The following LIN28B variants were observed in gnomAD, a reference collection of about 807,000 sequenced individuals.
LIN28B encodes the protein protein lin-28 homolog B.
In LIN28B, 5 loss-of-function variants were observed where a neutral mutation model predicts 21.9. The observed-to-expected ratio is 0.23, with a 90% CI of 0.12 to 0.48. LIN28B has a LOEUF of 0.48. Ranked by LOEUF, LIN28B falls within the 20% of genes least tolerant of loss-of-function variation. The probability of loss-of-function intolerance (pLI) is 0.98; values close to 1 mark genes in which losing one functional copy is unlikely to be tolerated. For missense variants in LIN28B, 245 were observed against 310.5 expected (o/e 0.79, Z 1.58); for synonymous variants, 109 against 111.3 (o/e 0.98, Z 0.13).
intron 2 of LIN28B, among the ~76,000 whole-genome samples, chr6:105,019,887 G>T (rs142955207): frequency 1.8e-3 from 281 of 152,128 alleles, no homozygotes; most frequent in African/African-American, 6.5e-3. Context: ...CTGCCATCTT[G>T]AACTGGAAGT....
intron 2 of LIN28B, among the ~76,000 whole-genome samples, chr6:104,967,022 T>A (rs1453034781): frequency 6.6e-6 from 1 of 152,052 alleles, no homozygotes; most frequent in Non-Finnish European, 1.5e-5. Flanking sequence ...CACCTCAGCC[T>A]GCCAAAGTTA....
chr6:105,041,681 T>C (rs961197071), intron 3 of LIN28B, among the ~76,000 whole-genome samples: 1 of 152,172 alleles, frequency 6.6e-6, no homozygotes, highest in Non-Finnish European at 1.5e-5. Flanking sequence ...ACAAATGAAC[T>C]CATCATGGCT....
Position 105,076,412 on chromosome 6 carries a change from A to G in LIN28B, c.384-2002A>G, listed in dbSNP as rs74752292. Among the ~76,000 whole-genome samples, 97 of 152,306 alleles carry G rather than the reference A, an allele frequency of 6.4e-4. No homozygotes were observed. In the East Asian group the frequency reaches 0.018, roughly 29 times the overall value. Reference sequence around the variant, plus strand: ...TGCCAATTAAAAAATTCACTGTTCAATTTATGCCAGGAGATAAAATACTAA... The same window carrying G: ...TGCCAATTAAAAAATTCACTGTTCAGTTTATGCCAGGAGATAAAATACTAA... On this transcript the variant is annotated intron_variant, in intron 3 of 3. Coordinates refer to ENST00000345080, the MANE Select transcript of LIN28B (RefSeq NM_001004317.4).
intron 2 of LIN28B, among the ~76,000 whole-genome samples, chr6:104,958,633 G>A (rs1275393284): frequency 2.0e-5 from 3 of 152,098 alleles, no homozygotes; most frequent in Non-Finnish European, 4.4e-5. Flanking sequence ...GTAGAAAAAT[G>A]AAGAAACATG....
intron 1 of LIN28B, 60 bp from the exon 2 acceptor site, chr6:104,958,039 A>G: frequency 8.2e-7 from 1 of 1,213,976 alleles, no homozygotes; most frequent in South Asian, 2.9e-5. Context: ...TTTTTTTTTA[A>G]TCTTTGAATG....
rs1395976020 is a variant in LIN28B at position 105,051,535 on chromosome 6, T to C, written c.383+25053T>C. ...ACTACATTCTTTCCTTCTCCAGGGA[T>C]TTTTTTTTTTTAAGTTTCAAATAAA... On this transcript the variant is annotated intron_variant, in intron 3 of 3. Transcript: ENST00000345080. 2.1e-5 allele frequency among the ~76,000 whole-genome samples: 3 copies of C among 144,014 alleles called. No homozygotes were observed. In the South Asian group the frequency reaches 6.5e-4, roughly 31 times the overall value. 94.5% of individuals were successfully genotyped at this position (144,014 alleles called of 152,430 possible). A position where few individuals can be genotyped will look rare whatever the true frequency, so the allele number is the denominator to read the frequency against.
intron 2 of LIN28B, among the ~76,000 whole-genome samples, chr6:104,960,649 T>C (rs1449442544): frequency 6.6e-6 from 1 of 152,106 alleles, no homozygotes; most frequent in Non-Finnish European, 1.5e-5. Flanking sequence ...TTTAATAATG[T>C]ATATTTGGAG....
intron 2 of LIN28B, among the ~76,000 whole-genome samples, chr6:104,960,025 T>C (rs905825159): frequency 3.3e-4 from 50 of 152,180 alleles, no homozygotes; most frequent in African/African-American, 1.2e-3. Context: ...TGATAAACAT[T>C]CCTCTATTCA....
At chr6:104,986,236 G>C (rs533475203) in intron 2 of LIN28B, among the ~76,000 whole-genome samples, 1 of 152,228 alleles carries the variant, frequency 6.6e-6, no homozygotes, top group East Asian at 1.9e-4. Context: ...CCCCAGCTAT[G>C]CTTCCTGTAC....
chr6:104,941,514 C>G (rs1284997047), intron 2 of LIN28B: 1 of 150,288 alleles, frequency 6.7e-6, no homozygotes, highest in African/African-American at 2.4e-5. Flanking sequence ...GCGGCGCAGG[C>G]TGGGGTCCCG....
At chr6:105,009,337 T>C (rs1770877847) in intron 2 of LIN28B, among the ~76,000 whole-genome samples, 1 of 152,276 alleles carries the variant, frequency 6.6e-6, no homozygotes, top group South Asian at 2.1e-4. Flanking sequence ...AAATAAATTA[T>C]TTTAGACTCT....
intron 2 of LIN28B, among the ~76,000 whole-genome samples, chr6:104,988,551 T>C (rs1391445975): frequency 1.3e-5 from 2 of 150,596 alleles, no homozygotes; most frequent in Admixed American, 6.7e-5. Context: ...TTAAACTACA[T>C]ATAGGAAGAC....
intron 3 of LIN28B, among the ~76,000 whole-genome samples, chr6:105,043,341 C>CAAAAAAAA (rs57532096): frequency 1.9e-4 from 14 of 75,386 alleles, no homozygotes; most frequent in African/African-American, 2.9e-4. Flanking sequence ...GACTCTGTCT[C>CAAAAAAAA]AAAAAAAAAA....
chr6:104,964,915 A>AT (rs1769825218), intron 2 of LIN28B, among the ~76,000 whole-genome samples: 2 of 152,038 alleles, frequency 1.3e-5, no homozygotes, highest in Non-Finnish European at 1.5e-5. Flanking sequence ...TAGTGTTATA[A>AT]TTTTTTCTAT....
At chr6:105,030,576 A>ATTTC (rs1187096823) in intron 3 of LIN28B, among the ~76,000 whole-genome samples, 78 of 145,246 alleles carry the variant, frequency 5.4e-4, no homozygotes, top group African/African-American at 1.6e-3. Context: ...TCTTGAATTA[A>ATTTC]TTTCTTTCTT....
chr6:104,950,448 T>G (rs1778208032), intron 2 of LIN28B: 1 of 1,220,060 alleles, frequency 8.2e-7, no homozygotes, highest in South Asian at 4.2e-5. Context: ...TGACTTGAGC[T>G]CTCTGATTTT....
chr6:104,958,356 A>G, intron 2 of LIN28B, 70 bp downstream of exon 2: 2 of 1,216,724 alleles, frequency 1.6e-6, no homozygotes, highest in Non-Finnish European at 1.1e-6. Flanking sequence ...AGTTATGCCA[A>G]TAGACGTACG....
intron 2 of LIN28B, among the ~76,000 whole-genome samples, chr6:105,020,556 C>G (rs554803268): frequency 1.3e-5 from 2 of 152,018 alleles, no homozygotes; most frequent in East Asian, 1.9e-4. Context: ...TGAGCTCAAG[C>G]AGTCTACCTC....
At chr6:105,040,724 A>G (rs1771615013) in intron 3 of LIN28B, among the ~76,000 whole-genome samples, 1 of 152,056 alleles carries the variant, frequency 6.6e-6, no homozygotes, top group South Asian at 2.1e-4. Flanking sequence ...TAGTTAAAAA[A>G]ATTGTCCAGA....
Sources: allele counts gnomAD v4.1 joint callset (sites outside exome capture counted in the v4.1 genomes callset), GRCh38; gene constraint gnomAD v4.1.1; transcripts MANE v1.5; gene names NCBI Gene and HGNC (gene_info 2026-07-23, HGNC 2026-07-21).